Variants in SLC14A2 observed in about 807,000 individuals in gnomAD.
The protein encoded by SLC14A2 is solute carrier family 14 member 2.
In SLC14A2, 91 loss-of-function variants were observed where a neutral mutation model predicts 104.6. The observed-to-expected ratio is 0.87, with a 90% CI of 0.73 to 1.04. The LOEUF (loss-of-function observed/expected upper bound fraction) is 1.04. Among genes scored for constraint, SLC14A2 ranks in the 50% least tolerant of loss-of-function variants. The pLI is 0.00. For synonymous variants in SLC14A2, 476 were observed against 466.4 expected (o/e 1.02, Z -0.27); for missense variants, 1,189 against 1,156.0 (o/e 1.03, Z -0.41).
At chr18:45,586,077 A>C (rs771735198) in intron 2 of SLC14A2, among the ~76,000 whole-genome samples, 1 of 152,250 alleles carries the variant, frequency 6.6e-6, no homozygotes. Context: ...TAATACATAT[A>C]TAATACACCA....
At chr18:45,413,418 G>A (rs1042022085) in intron 1 of SLC14A2, among the ~76,000 whole-genome samples, 2 of 152,130 alleles carry the variant, frequency 1.3e-5, no homozygotes, top group Non-Finnish European at 1.5e-5. Context: ...CAATGAAGGT[G>A]GTTCCATCAA....
chr18:45,573,201 T>C lies in SLC14A2; in HGVS notation c.-34-51430T>C, dbSNP rs552853901. On this transcript the variant is annotated intron_variant, in intron 2 of 20. Coordinates refer to the SLC14A2 transcript ENST00000586448. ...TCACCTAGAAGGCTTGTTGAAATGA[T>C]TGATAGGTCTGGACTGGGTCCTGAT... Among the ~76,000 whole-genome samples, 322 of 152,346 alleles carry C rather than the reference T, an allele frequency of 2.1e-3. 1 individual carries two copies. The highest frequency in any genetic ancestry group is 2.8e-3 in the Non-Finnish European group (188 of 68,026).
At chr18:45,667,127 C>A in intron 13 of SLC14A2, 33 bp downstream of exon 13, 1 of 1,581,726 alleles carries the variant, frequency 6.3e-7, no homozygotes, top group South Asian at 1.1e-5. Context: ...CTGACCCTGA[C>A]CCTAAAAACT....
intron 1 of SLC14A2, among the ~76,000 whole-genome samples, chr18:45,298,145 T>A (rs918692568): frequency 7.9e-5 from 12 of 152,074 alleles, no homozygotes; most frequent in Admixed American, 4.6e-4. Context: ...AGCATCTTTT[T>A]AAAAAAATAT....
chr18:45,663,945 T>C (rs780388138), intron 11 of SLC14A2, 38 bp downstream of exon 11: 1 of 1,572,426 alleles, frequency 6.4e-7, no homozygotes, highest in Non-Finnish European at 8.6e-7. Context: ...GATCCCTGCC[T>C]TCCTAGTCTC....
chr18:45,503,122 A>G (rs1400390599), intron 2 of SLC14A2, among the ~76,000 whole-genome samples: 1 of 152,130 alleles, frequency 6.6e-6, no homozygotes, highest in Non-Finnish European at 1.5e-5. Context: ...TAAATGTGTA[A>G]TTAATGTTGA....
chr18:45,569,657 A>C (rs892698309), intron 2 of SLC14A2, among the ~76,000 whole-genome samples: 3 of 152,218 alleles, frequency 2.0e-5, no homozygotes, highest in Non-Finnish European at 4.4e-5. Flanking sequence ...CTGTAGTGAC[A>C]GTGGACCTGA....
At chr18:45,430,373 C>G (rs1187922208) in intron 1 of SLC14A2, among the ~76,000 whole-genome samples, 3 of 152,102 alleles carry the variant, frequency 2.0e-5, no homozygotes, top group African/African-American at 7.2e-5. Flanking sequence ...AAGTATAATA[C>G]ATATCCCATA....
At chr18:45,289,776 A>T (rs982487175) in intron 1 of SLC14A2, among the ~76,000 whole-genome samples, 44 of 152,160 alleles carry the variant, frequency 2.9e-4, no homozygotes, top group African/African-American at 1.1e-3. Context: ...AGACTGTCCT[A>T]TAAGAAGTGC....
chr18:45,421,455 T>C (rs1368178516), intron 1 of SLC14A2, among the ~76,000 whole-genome samples: 2 of 152,150 alleles, frequency 1.3e-5, no homozygotes, highest in Non-Finnish European at 2.9e-5. Flanking sequence ...TTTCAACAGG[T>C]ATGAGTGGCA....
At chr18:45,548,540 C>CA (rs1485455774) in intron 2 of SLC14A2, among the ~76,000 whole-genome samples, 2 of 151,990 alleles carry the variant, frequency 1.3e-5, no homozygotes, top group African/African-American at 2.4e-5. Flanking sequence ...CCTGTCTCTA[C>CA]AAAAAATAAA....
At chr18:45,223,627 T>G (rs2084084997) in intron 1 of SLC14A2, among the ~76,000 whole-genome samples, 1 of 152,130 alleles carries the variant, frequency 6.6e-6, no homozygotes, top group African/African-American at 2.4e-5. Context: ...CTTCCATGGC[T>G]AATCTCCCCA....
chr18:45,567,228 C>A (rs1344210733), intron 2 of SLC14A2, among the ~76,000 whole-genome samples: 1 of 152,034 alleles, frequency 6.6e-6, no homozygotes, highest in African/African-American at 2.4e-5. Context: ...AGGCCAACGC[C>A]CACCCCCACC....
intron 1 of SLC14A2, among the ~76,000 whole-genome samples, chr18:45,274,170 A>G (rs779493312): frequency 1.3e-5 from 2 of 152,124 alleles, no homozygotes; most frequent in Non-Finnish European, 2.9e-5. Context: ...GTGTGGGGGT[A>G]GGGGAGGCCA....
At chr18:45,442,527 AT>A (rs1402452145) in intron 1 of SLC14A2, among the ~76,000 whole-genome samples, 2 of 152,094 alleles carry the variant, frequency 1.3e-5, no homozygotes, top group African/African-American at 4.8e-5. Flanking sequence ...CTATATCCAA[AT>A]TTCCTCTTTT....
At chr18:45,264,529 T>C (rs1276930501) in intron 1 of SLC14A2, among the ~76,000 whole-genome samples, 5 of 152,166 alleles carry the variant, frequency 3.3e-5, no homozygotes. Flanking sequence ...GGGTAATTTA[T>C]AAAAAGAGGT....
At chr18:45,321,652 A>G (rs2085186475) in intron 1 of SLC14A2, among the ~76,000 whole-genome samples, 1 of 152,200 alleles carries the variant, frequency 6.6e-6, no homozygotes, top group Non-Finnish European at 1.5e-5. Flanking sequence ...GTGCTATTAT[A>G]AAGAAGAGCT....
chr18:45,502,258 A>G (rs554166713), intron 2 of SLC14A2, among the ~76,000 whole-genome samples: 1 of 152,226 alleles, frequency 6.6e-6, no homozygotes, highest in African/African-American at 2.4e-5. Flanking sequence ...CTTGGGGGGA[A>G]ATCTTTGAGA....
At chr18:45,572,204 T>C (rs2044357794) in intron 2 of SLC14A2, among the ~76,000 whole-genome samples, 1 of 152,216 alleles carries the variant, frequency 6.6e-6, no homozygotes, top group African/African-American at 2.4e-5. Context: ...ACTGGCTCCA[T>C]TGAGCCAGCC....
Sources: gnomAD v4.1 joint callset for allele counts (sites outside exome capture counted in the v4.1 genomes callset) on GRCh38, gnomAD v4.1.1 for gene constraint, MANE v1.5 for transcripts, NCBI Gene and HGNC (gene_info 2026-07-23, HGNC 2026-07-21) for gene names.